The following P3H4 variants were observed in gnomAD, a reference collection of about 807,000 sequenced individuals.
The protein encoded by P3H4 is endoplasmic reticulum protein SC65.
A neutral mutation model predicts 52.9 loss-of-function variants in P3H4; 47 were observed. The ratio of observed to expected loss-of-function variants is 0.89; its 90% CI spans 0.70 to 1.13. P3H4 has a LOEUF of 1.13. Among genes scored for constraint, P3H4 ranks in the 50% most tolerant of loss-of-function variants. The pLI is 0.00. For missense variants in P3H4, 585 were observed against 611.0 expected (o/e 0.96, Z 0.45); for synonymous variants, 256 against 267.9 (o/e 0.96, Z 0.44).
chr17:41,811,434 G>C lies in P3H4; in HGVS notation c.462+20C>G. ...GACGCCCAGCCCGAGACAGGTCCCC[G>C]GGTGGGGGCGGGCTCCCACCTTGAA... On this transcript the variant is annotated intron_variant, in intron 1 of 7. Coordinates refer to ENST00000393928, the MANE Select transcript of P3H4 (RefSeq NM_006455.3). The surrounding 1 kb of genome is among the most constrained non-coding windows in gnomAD (Gnocchi z 4.8). The C allele has an allele frequency of 2.5e-6, 4 of 1,610,224 alleles. No homozygotes were observed. The highest frequency in any genetic ancestry group is 2.5e-6 in the Non-Finnish European group (3 of 1,178,082).
chr17:41,809,394 C>A, intron 4 of P3H4, among the ~76,000 whole-genome samples: 1 of 152,158 alleles, frequency 6.6e-6, no homozygotes, highest in East Asian at 1.9e-4. Flanking sequence ...CTAGCCTGGG[C>A]AAGAGTGAAA....
chr17:41,805,245 C>T lies in P3H4; in HGVS notation c.1146+1551G>A, dbSNP rs557710307. Among the ~76,000 whole-genome samples, 32 of 151,654 alleles carry T rather than the reference C, an allele frequency of 2.1e-4. No homozygotes were observed. In the South Asian group the frequency reaches 6.5e-3, roughly 31 times the overall value. ...CGGAGCTTGCAGTGAGCTGAGATCA[C>T]GCCACTGCACTCCAGCATGGGCGAC... On this transcript the variant is annotated intron_variant, in intron 6 of 7. Transcript: ENST00000393928.
At chr17:41,810,812 C>A in intron 3 of P3H4, 51 bp downstream of exon 3, 1 of 1,571,588 alleles carries the variant, frequency 6.4e-7, no homozygotes, top group South Asian at 1.2e-5. Flanking sequence ...ATCTGCCTTA[C>A]CGGGCCCTGT....
At position 41,807,851 on chromosome 17, in the gene P3H4, G is replaced by A. The variant is rs369318917; in HGVS notation, c.1062+8C>T. The A allele has an allele frequency of 2.4e-5, 39 of 1,609,764 alleles. No homozygotes were observed. In the Admixed American group the frequency reaches 3.2e-4, roughly 13 times the overall value. ...TATCCAGCAAGTGCCCCAGAAAGCA[G>A]TGCCCACCTCCCGGGGCTGGAAGTC... On this transcript the variant is annotated splice_region_variant and intron_variant, in intron 5 of 7. Coordinates refer to ENST00000393928, the MANE Select transcript of P3H4 (RefSeq NM_006455.3).
chr17:41,809,466 T>C lies in P3H4; in HGVS notation c.916+240A>G, dbSNP rs185279172. Among the ~76,000 whole-genome samples the C allele has an allele frequency of 8.5e-5, 13 of 152,216 alleles. No homozygotes were observed. The East Asian group carries it at 2.5e-3, about 29-fold the overall frequency. On this transcript the variant is annotated intron_variant, in intron 4 of 7. Coordinates refer to ENST00000393928, the MANE Select transcript of P3H4 (RefSeq NM_006455.3). ...CTGCAGTTGTTGGTTGTCTAGTCATTTGCCCAAAAGACCCTCTTCTTCTCC... is the reference window on the plus strand; with the variant it reads ...CTGCAGTTGTTGGTTGTCTAGTCATCTGCCCAAAAGACCCTCTTCTTCTCC...
rs373701752 is a variant in P3H4 at position 41,810,859 on chromosome 17, A to C, written c.787+4T>G. On this transcript the variant is annotated splice_donor_region_variant and intron_variant, in intron 3 of 7. Transcript: ENST00000393928. ...CCGCCCACCGTGGTCTGGGTGGCAG[A>C]TACCTGCTATGGCCGGGTAGAAGTC... The C allele has an allele frequency of 8.7e-6, 14 of 1,610,526 alleles. No homozygotes were observed. Among genetic ancestry groups the C allele is most frequent in the Admixed American group, 1.7e-5 (1 of 59,768 alleles).
Position 41,808,002 on chromosome 17 carries a change from T to A in P3H4, c.919A>T (p.Asn307Tyr), listed in dbSNP as rs782703773. 5.6e-6 allele frequency: 9 copies of A among 1,612,980 alleles called. No homozygotes were observed. In the Admixed American group the frequency reaches 1.5e-4, roughly 27 times the overall value. The change falls in exon 5 of 8, where the codon AAT becomes TAT. Residue 307 changes from asparagine to tyrosine, a missense_variant and splice_region_variant. By Grantham distance (143) the Asn-to-Tyr change is moderately radical. Transcript: ENST00000393928. ...CTGCGGGCAGCCTGGCGCACATCATTCACTGCAGCAGGACAGGGGTGAGGA... is the reference window on the plus strand; with the variant it reads ...CTGCGGGCAGCCTGGCGCACATCATACACTGCAGCAGGACAGGGGTGAGGA... Reference protein sequence around the residue: ...HYLQFAYYKLNDVRQAARSAA... With the variant: ...HYLQFAYYKLYDVRQAARSAA...
In P3H4 at chr17:41,809,741, G is replaced by C; in HGVS notation, c.881C>G (p.Thr294Ser). 9.9e-6 allele frequency: 16 copies of C among 1,613,696 alleles called. No individual in the cohort carries two copies. The highest frequency in any genetic ancestry group is 1.4e-5 in the Non-Finnish European group (16 of 1,179,950). ...GGYFVDKFVATMYHYLQFAYY... is the reference protein window; with the variant it reads ...GGYFVDKFVASMYHYLQFAYY... ...GGCAAACTGCAGGTAGTGGTACATGGTGGCCACGAACTTGTCCACGAAGTA... is the reference window on the plus strand; with the variant it reads ...GGCAAACTGCAGGTAGTGGTACATGCTGGCCACGAACTTGTCCACGAAGTA... Residue 294 changes from threonine to serine, a missense_variant, in exon 4 of 8, where the codon ACC becomes AGC. Thr to Ser is a moderately conservative substitution (Grantham distance 58). Coordinates refer to ENST00000393928, the MANE Select transcript of P3H4 (RefSeq NM_006455.3).
intron 3 of P3H4, among the ~76,000 whole-genome samples, chr17:41,810,528 T>G (rs2047718654): frequency 6.6e-6 from 1 of 152,130 alleles, no homozygotes; most frequent in Non-Finnish European, 1.5e-5. Context: ...ATCCCAAGAC[T>G]AGGTGTAATT....
Position 41,810,879 on chromosome 17 carries a change from G to A in P3H4, c.771C>T (p.Phe257=). ...GGCAGATACCTGCTATGGCCGGGTA[G>A]AAGTCCTTGAAGTCCACCTGCTCAT... ...GAHEQVDFKD[F]YPAIADLFAE... The change falls in exon 3 of 8, where the codon TTC becomes TTT. Residue 257 remains phenylalanine, a synonymous_variant. Coordinates refer to ENST00000393928, the MANE Select transcript of P3H4 (RefSeq NM_006455.3). The A allele has an allele frequency of 6.2e-7, 1 of 1,613,820 alleles. No individual in the cohort carries two copies. The highest frequency in any genetic ancestry group is 1.3e-5 in the African/African-American group (1 of 75,062).
intron 4 of P3H4, among the ~76,000 whole-genome samples, chr17:41,808,797 A>T (rs757328828): frequency 6.6e-6 from 1 of 152,130 alleles, no homozygotes; most frequent in African/African-American, 2.4e-5. Flanking sequence ...GGCTCTAGTG[A>T]ATTAGAGGCC....
intron 7 of P3H4, 138 bp from the exon 8 acceptor site, chr17:41,803,117 CA>C: frequency 2.8e-6 from 4 of 1,411,252 alleles, no homozygotes. Flanking sequence ...GGAGATGCTG[CA>C]CCACCACCCC....
At chr17:41,807,254 G>A in intron 5 of P3H4, 1 of 295,226 alleles carries the variant, frequency 3.4e-6, no homozygotes, top group Non-Finnish European at 6.5e-6. Context: ...AGGTAGGGAG[G>A]GGAGCAGGTA....
At chr17:41,807,276 G>C in intron 5 of P3H4, 1 of 255,826 alleles carries the variant, frequency 3.9e-6, no homozygotes, top group Non-Finnish European at 7.6e-6. Context: ...GAGTGGATGT[G>C]TACCTTCATA....
In P3H4 at chr17:41,806,873, T is replaced by C. The variant is rs1555614265; in HGVS notation, c.1069A>G (p.Met357Val). Residue 357 changes from methionine (M) to valine (V), a missense_variant, in exon 6 of 8, where the codon ATG becomes GTG. Coordinates refer to ENST00000393928, the MANE Select transcript of P3H4 (RefSeq NM_006455.3). ...TCGGCGGTCTGGTTGTGGTAGAGCA[T>C]GGCCTCCTGGAAGGAGGGAAGGACG... ...EEDFQPREEA[M>V]LYHNQTAELR... 3.1e-6 allele frequency: 5 copies of C among 1,613,360 alleles called. No homozygotes were observed. In the Admixed American group the frequency reaches 5.0e-5, roughly 16 times the overall value.
Position 41,803,287 on chromosome 17 carries a change from C to T in P3H4, c.1291G>A (p.Glu431Lys). Residue 431 changes from glutamate (E) to lysine (K), a missense_variant and splice_region_variant, in exon 7 of 8, where the codon GAG becomes AAG. Physicochemically the swap from Glu to Lys is moderately conservative, Grantham distance 56 (BLOSUM62 1). Transcript: ENST00000393928. ...CCCCCCAAGGACTCGTGTCACTGAC[C>T]AGCCTCGGCCTCGTCACCCTTGGCA... Reference protein sequence around the residue: ...PDAKGDEAEAEPEPELA With the variant: ...PDAKGDEAEAKPEPELA 3.1e-6 allele frequency: 5 copies of T among 1,613,094 alleles called. No individual in the cohort carries two copies. Among genetic ancestry groups the T allele is most frequent in the Non-Finnish European group, 4.2e-6 (5 of 1,179,524 alleles).
Position 41,808,577 on chromosome 17 carries a change from C to T in P3H4, c.917-573G>A, listed in dbSNP as rs1314042164. ...TAACTTTTTGTATTTTTTGTAGACA[C>T]GGGGTCTTGTCATGTTGCCCAGGTT... On this transcript the variant is annotated intron_variant, in intron 4 of 7. Coordinates refer to ENST00000393928, the MANE Select transcript of P3H4 (RefSeq NM_006455.3). Among the ~76,000 whole-genome samples, 7 of 152,134 alleles carry T rather than the reference C, an allele frequency of 4.6e-5. 1 individual carries two copies. The highest frequency in any genetic ancestry group is 6.8e-3 in the Middle Eastern group (2 of 294).
At chr17:41,806,647 A>G (rs2047676784) in intron 6 of P3H4, 149 bp downstream of exon 6, 4 of 652,072 alleles carry the variant, frequency 6.1e-6, no homozygotes, top group South Asian at 5.3e-5. Flanking sequence ...GAAGGAACGG[A>G]CAGTCTAGAC....
chr17:41,804,175 T>C (rs1222719715), intron 6 of P3H4, among the ~76,000 whole-genome samples: 1 of 151,742 alleles, frequency 6.6e-6, no homozygotes, highest in Non-Finnish European at 1.5e-5. Flanking sequence ...ATGGTCTCAA[T>C]CTTCTGACCT....
Sources: gnomAD v4.1 joint callset for allele counts (sites outside exome capture counted in the v4.1 genomes callset) on GRCh38, gnomAD v4.1.1 for gene constraint, Gnocchi (gnomAD v3.1) non-coding constraint, MANE v1.5 for transcripts, NCBI Gene and HGNC (gene_info 2026-07-23, HGNC 2026-07-21) for gene names.